The following CHN2 variants were observed in gnomAD, a reference collection of about 807,000 sequenced individuals.
CHN2 encodes beta-chimaerin.
In CHN2, 35 loss-of-function variants were observed where a neutral mutation model predicts 56.3. The observed-to-expected ratio is 0.62, with a 90% CI of 0.47 to 0.82. The LOEUF (loss-of-function observed/expected upper bound fraction) is 0.82, where lower values mean the gene tolerates loss of function less well. Among genes scored for constraint, CHN2 ranks in the 40% least tolerant of loss-of-function variants. The pLI, the probability that CHN2 is intolerant of heterozygous loss-of-function variation, is 0.00. For missense variants in CHN2, 491 were observed against 580.5 expected, an observed-to-expected ratio of 0.85 and a Z score of 1.58; for synonymous variants, 210 against 212.8, an observed-to-expected ratio of 0.99 and a Z score of 0.12.
intron 6 of CHN2, among the ~76,000 whole-genome samples, chr7:29,423,587 G>C (rs1368552232): frequency 1.3e-5 from 2 of 152,228 alleles, no homozygotes; most frequent in African/African-American, 4.8e-5. Context: ...CGGTTCTCCA[G>C]GAAGGACGAA....
intron 4 of CHN2, among the ~76,000 whole-genome samples, chr7:29,396,417 C>T (rs545788863): frequency 1.4e-5 from 2 of 138,442 alleles, no homozygotes; most frequent in East Asian, 4.8e-4. Context: ...GCTGAGATCG[C>T]GCCATTGCAC....
At chr7:29,241,077 G>A (rs1002634562) in intron 1 of CHN2, among the ~76,000 whole-genome samples, 2 of 151,998 alleles carry the variant, frequency 1.3e-5, no homozygotes, top group South Asian at 2.1e-4. Flanking sequence ...GTAGAAACAG[G>A]GTTTCACCAT....
intron 3 of CHN2, among the ~76,000 whole-genome samples, chr7:29,382,304 A>G (rs755294083): frequency 6.6e-6 from 1 of 152,136 alleles, no homozygotes; most frequent in Non-Finnish European, 1.5e-5. Context: ...CCTCTAAAGA[A>G]TGTGAGGGAC....
At chr7:29,463,183 A>C (rs969525522) in intron 6 of CHN2, among the ~76,000 whole-genome samples, 6 of 151,958 alleles carry the variant, frequency 3.9e-5, no homozygotes, top group Non-Finnish European at 2.9e-5. Flanking sequence ...CAGCCTCCCA[A>C]TACACCTAGA....
chr7:29,481,481 A>G (rs913932818), intron 7 of CHN2, among the ~76,000 whole-genome samples: 4 of 152,204 alleles, frequency 2.6e-5, no homozygotes, highest in Non-Finnish European at 4.4e-5. Flanking sequence ...TTAGAAAGCC[A>G]GCAGCTCAGG....
chr7:29,275,173 T>G (rs1791083233), intron 1 of CHN2, among the ~76,000 whole-genome samples: 2 of 152,216 alleles, frequency 1.3e-5, no homozygotes, highest in Non-Finnish European at 2.9e-5. Flanking sequence ...AGGGCTGTTT[T>G]GAGAATGAAA....
At chr7:29,317,738 A>G (rs1795059232) in intron 1 of CHN2, among the ~76,000 whole-genome samples, 1 of 152,200 alleles carries the variant, frequency 6.6e-6, no homozygotes, top group Non-Finnish European at 1.5e-5. Flanking sequence ...GAAGTGGGAC[A>G]TATGAGATAT....
intron 6 of CHN2, among the ~76,000 whole-genome samples, chr7:29,404,566 C>A (rs1367093965): frequency 6.6e-6 from 1 of 152,034 alleles, no homozygotes; most frequent in East Asian, 1.9e-4. Flanking sequence ...TATCACACAA[C>A]CCCAGGAAAG....
intron 1 of CHN2, among the ~76,000 whole-genome samples, chr7:29,304,387 G>A (rs1032023502): frequency 6.6e-6 from 1 of 152,088 alleles, no homozygotes; most frequent in African/African-American, 2.4e-5. Context: ...TATTCAGAGA[G>A]GCTTAGCCAA....
At chr7:29,252,578 G>GTTTTTTTTGTT (rs1788667379) in intron 1 of CHN2, among the ~76,000 whole-genome samples, 2 of 19,488 alleles carry the variant, frequency 1.0e-4, no homozygotes, top group Non-Finnish European at 1.6e-4. Context: ...TGCATTCTTT[G>GTTTTTTTTGTT]TTTTTTTTTT....
chr7:29,270,044 A>G (rs1432103626), intron 1 of CHN2, among the ~76,000 whole-genome samples: 2 of 152,240 alleles, frequency 1.3e-5, no homozygotes, highest in Non-Finnish European at 2.9e-5. Flanking sequence ...ACTTCCTGCT[A>G]TGTATGATCT....
chr7:29,278,179 A>G (rs903019282), intron 1 of CHN2, among the ~76,000 whole-genome samples: 9 of 152,204 alleles, frequency 5.9e-5, no homozygotes, highest in African/African-American at 1.7e-4. Flanking sequence ...TTGACTGCAC[A>G]TTGAAATCAA....
chr7:29,427,948 T>C lies in CHN2; in HGVS notation c.576+27120T>C, dbSNP rs117318089. ...GGGATTATAGGTTTGAACCTCCGCA[T>C]CCGGCCATTTTTTATTCATGTTTAT... On this transcript the variant is annotated intron_variant, in intron 6 of 12. Transcript: ENST00000222792. 1.9e-3 allele frequency among the ~76,000 whole-genome samples: 292 copies of C among 152,220 alleles called. 3 individuals carry two copies. In the East Asian group the frequency reaches 0.037, roughly 19 times the overall value.
At chr7:29,502,506 A>G (rs1790076354) in intron 9 of CHN2, among the ~76,000 whole-genome samples, 1 of 152,222 alleles carries the variant, frequency 6.6e-6, no homozygotes, top group African/African-American at 2.4e-5. Context: ...CAAAGGTTCC[A>G]TTACAACAGA....
At chr7:29,273,366 TATATATATATATATATATATATACAC>T (rs1790883034) in intron 1 of CHN2, among the ~76,000 whole-genome samples, 1 of 53,916 alleles carries the variant, frequency 1.9e-5, no homozygotes, top group Non-Finnish European at 3.5e-5. Context: ...TATATATATA[TATATATATATATATATATATATACAC>T]ACACCACATT....
chr7:29,303,582 G>A (rs3812337), intron 1 of CHN2, among the ~76,000 whole-genome samples: 40,354 of 152,058 alleles, frequency 0.27, 5,739 homozygotes, highest in Middle Eastern at 0.33. Context: ...GGGACTCCCC[G>A]GTGTCTAATA....
chr7:29,493,959 G>A (rs1338491562), intron 7 of CHN2, among the ~76,000 whole-genome samples: 1 of 152,078 alleles, frequency 6.6e-6, no homozygotes, highest in Non-Finnish European at 1.5e-5. Flanking sequence ...AGCCTTTAAG[G>A]CCCTGTGTAA....
chr7:29,221,332 G>C (rs1436619403), intron 1 of CHN2, among the ~76,000 whole-genome samples: 1 of 152,088 alleles, frequency 6.6e-6, no homozygotes, highest in Non-Finnish European at 1.5e-5. Context: ...AAGAATGCTG[G>C]ATGCAAGGTC....
chr7:29,253,143 C>G (rs1318526509), intron 1 of CHN2, among the ~76,000 whole-genome samples: 1 of 152,144 alleles, frequency 6.6e-6, no homozygotes. Flanking sequence ...TAGGGATTCC[C>G]AAGAAAGTTT....
Sources: gnomAD v4.1 joint callset for allele counts (sites outside exome capture counted in the v4.1 genomes callset) on GRCh38, gnomAD v4.1.1 for gene constraint, MANE v1.5 for transcripts, NCBI Gene and HGNC (gene_info 2026-07-23, HGNC 2026-07-21) for gene names.